Variants in AGAP1 observed in about 807,000 individuals in gnomAD.
The protein encoded by AGAP1 is ArfGAP with GTPase domain, ankyrin repeat and PH domain 1.
AGAP1 carries 29 observed loss-of-function variants against 105.3 expected under a neutral mutation model. The observed-to-expected ratio is 0.28, with a 90% CI of 0.21 to 0.38. AGAP1 has a LOEUF of 0.38. Ranked by LOEUF, AGAP1 falls within the 10% of genes least tolerant of loss-of-function variation. AGAP1 has a pLI of 1.00. For synonymous variants in AGAP1, 509 were observed against 485.9 expected (o/e 1.05, Z -0.63); for missense variants, 998 against 1,165.1 (o/e 0.86, Z 2.09).
Position 235,570,641 on chromosome 2 carries a change from C to T in AGAP1, c.163+75792C>T, listed in dbSNP as rs144787225. Among the ~76,000 whole-genome samples, 364 of 152,286 alleles carry T rather than the reference C, an allele frequency of 2.4e-3. 2 individuals are homozygous for T. Among genetic ancestry groups the T allele is most frequent in the East Asian group, 0.021 (106 of 5,170 alleles). On this transcript the variant is annotated intron_variant, in intron 1 of 17. Coordinates refer to ENST00000304032, the MANE Select transcript of AGAP1 (RefSeq NM_001037131.3). ...TGGTTTCAGTGCTGCTCTTTGGCCT[C>T]GGCATTAGAGACTAGTTTTTTAAAA...
chr2:235,591,892 T>C (rs1008682906), intron 1 of AGAP1, among the ~76,000 whole-genome samples: 1 of 127,780 alleles, frequency 7.8e-6, no homozygotes. Context: ...TCTCTTGCCA[T>C]GTGACATGCC....
intron 1 of AGAP1, among the ~76,000 whole-genome samples, chr2:235,676,801 CAAT>C (rs1948762048): frequency 1.3e-5 from 2 of 151,974 alleles, no homozygotes; most frequent in Non-Finnish European, 2.9e-5. Context: ...AATGATGTCA[CAAT>C]GAGTGAAATA....
At chr2:235,653,223 T>C (rs2149326925) in intron 1 of AGAP1, among the ~76,000 whole-genome samples, 1 of 152,246 alleles carries the variant, frequency 6.6e-6, no homozygotes, top group East Asian at 1.9e-4. Flanking sequence ...CCCAGCACTT[T>C]GGGAGGCCAA....
In AGAP1 at chr2:236,035,740, C is replaced by T. The variant is rs533534293; in HGVS notation, c.1646-821C>T. ...GACAGGAATAATGAACAGAGGCCGA[C>T]GTGGATCTGTGGAGTGTCTCCTATG... is the stretch of plus-strand genomic sequence containing the variant. On this transcript the variant is annotated intron_variant, in intron 13 of 17. Transcript: ENST00000304032. This position sits in a 1 kb window ranked among gnomAD's most constrained non-coding sequence, Gnocchi z 4.2. 6.6e-5 allele frequency among the ~76,000 whole-genome samples: 10 copies of T among 152,268 alleles called. No homozygotes were observed. The highest frequency in any genetic ancestry group is 3.4e-3 in the Middle Eastern group (1 of 294).
chr2:235,668,677 T>A (rs539859227), intron 1 of AGAP1, among the ~76,000 whole-genome samples: 4 of 152,210 alleles, frequency 2.6e-5, no homozygotes, highest in Non-Finnish European at 4.4e-5. Flanking sequence ...TCCGATAACA[T>A]CCTAGACCAG....
rs1949793592 is a variant in AGAP1, at chr2:235,692,712, GC to G, written c.164-16466del. The stretch of plus-strand genomic sequence containing the variant: ...TGACGTGCACCCCGCCAGCCTCCCT[GC>G]TTATCCTTCCCTGCCGCCTCGTGTG... On this transcript the variant is annotated intron_variant, in intron 1 of 17. Transcript: ENST00000304032. This position sits in a 1 kb window ranked among gnomAD's most constrained non-coding sequence, Gnocchi z 5.8. Among the ~76,000 whole-genome samples, 1 of 152,176 alleles carries G rather than the reference GC, an allele frequency of 6.6e-6. No individual in the cohort carries two copies. The highest frequency in any genetic ancestry group is 1.5e-5 in the Non-Finnish European group (1 of 68,036).
chr2:235,738,873 C>T (rs920156513), intron 3 of AGAP1, among the ~76,000 whole-genome samples: 1 of 152,092 alleles, frequency 6.6e-6, no homozygotes, highest in African/African-American at 2.4e-5. Flanking sequence ...TGTTATTTTT[C>T]TTAAAACAGT....
chr2:235,531,732 C>T (rs6431382), intron 1 of AGAP1, among the ~76,000 whole-genome samples: 8,611 of 151,920 alleles, frequency 0.057, 752 homozygotes, highest in African/African-American at 0.19. Flanking sequence ...CTCAGCCTCC[C>T]AGAGTAGCTG....
intron 16 of AGAP1, among the ~76,000 whole-genome samples, chr2:236,066,909 G>A (rs1031342289): frequency 5.3e-5 from 8 of 152,102 alleles, no homozygotes; most frequent in African/African-American, 1.4e-4. Context: ...TGGTATATAC[G>A]TTTTTGTGCC....
At chr2:235,768,273 A>G (rs977742407) in intron 6 of AGAP1, among the ~76,000 whole-genome samples, 3 of 152,350 alleles carry the variant, frequency 2.0e-5, no homozygotes, top group African/African-American at 7.2e-5. Flanking sequence ...TTCAATTTCT[A>G]TATTTGTAAA....
chr2:235,720,463 C>T lies in AGAP1; in HGVS notation c.310+2819C>T, dbSNP rs1951324703. On this transcript the variant is annotated intron_variant, in intron 3 of 17. Coordinates refer to ENST00000304032, the MANE Select transcript of AGAP1 (RefSeq NM_001037131.3). The surrounding 1 kb of genome is among the most constrained non-coding windows in gnomAD (Gnocchi z 5.0). ...TACCCACACAAAGGTGAGGGCACTC[C>T]CACAGTGGTGGGAGTGGTTGGCGCC... is the stretch of plus-strand genomic sequence containing the variant. 2.0e-5 allele frequency among the ~76,000 whole-genome samples: 3 copies of T among 152,040 alleles called. No homozygotes were observed. The highest frequency in any genetic ancestry group is 4.4e-5 in the Non-Finnish European group (3 of 67,998).
Position 235,900,333 on chromosome 2 carries a change from A to G in AGAP1, c.1156-8405A>G, listed in dbSNP as rs1182395534. ...CTTCTTAGCCTGTTGACTTTGAGGT[A>G]GGAGGAGCCCAAAGTGGCCAGGTGA... On this transcript the variant is annotated intron_variant, in intron 10 of 17. Transcript: ENST00000304032. This position sits in a 1 kb window ranked among gnomAD's most constrained non-coding sequence, Gnocchi z 5.5. 6.6e-6 allele frequency among the ~76,000 whole-genome samples: 1 copy of G among 152,000 alleles called. No homozygotes were observed. The highest frequency in any genetic ancestry group is 1.5e-5 in the Non-Finnish European group (1 of 68,018).
Position 235,989,030 on chromosome 2 carries a change from CTT to C in AGAP1, c.1645+20410_1645+20411del, listed in dbSNP as rs1010715239. 6.6e-6 allele frequency among the ~76,000 whole-genome samples: 1 copy of C among 152,118 alleles called. No homozygotes were observed. Among genetic ancestry groups the C allele is most frequent in the Non-Finnish European group, 1.5e-5 (1 of 68,034 alleles). ...CTTCCCTTGGCCAATAATGTGGAGT[CTT>C]TTGGTTTTTCTGTTCTTCAGAGTTT... On this transcript the variant is annotated intron_variant, in intron 13 of 17. Transcript: ENST00000304032. The surrounding 1 kb of genome is among the most constrained non-coding windows in gnomAD (Gnocchi z 4.4).
At chr2:236,017,280 G>A (rs1231258883) in intron 13 of AGAP1, among the ~76,000 whole-genome samples, 23 of 141,038 alleles carry the variant, frequency 1.6e-4, no homozygotes, top group African/African-American at 4.9e-4. Context: ...ACGACAGAGC[G>A]AGACTCCATC....
rs373216833 is a variant in AGAP1, at chr2:235,734,526, GA to G, written c.311-6424del. On this transcript the variant is annotated intron_variant, in intron 3 of 17. Coordinates refer to ENST00000304032, the MANE Select transcript of AGAP1 (RefSeq NM_001037131.3). The surrounding 1 kb of genome is among the most constrained non-coding windows in gnomAD (Gnocchi z 5.3). ...TCATTTTCATCCTTAGCTCAGGCAT[GA>G]AAAAAAAAAAAAGAATAGTAAAAAT... Among the ~76,000 whole-genome samples, 2,812 of 128,404 alleles carry G rather than the reference GA, an allele frequency of 0.022. 84 individuals carry two copies. Among genetic ancestry groups the G allele is most frequent in the African/African-American group, 0.065 (2,328 of 35,864 alleles). The allele number at this position is 128,404 out of a possible 152,430, so 84.2% of individuals were successfully genotyped here.
At chr2:235,580,458 G>A (rs763594368) in intron 1 of AGAP1, among the ~76,000 whole-genome samples, 4 of 151,924 alleles carry the variant, frequency 2.6e-5, no homozygotes, top group African/African-American at 9.7e-5. Context: ...TGGAGGCAGT[G>A]GGGGAGGGAG....
Position 235,901,942 on chromosome 2 carries a change from T to C in AGAP1, c.1156-6796T>C, listed in dbSNP as rs532877502. On this transcript the variant is annotated intron_variant, in intron 10 of 17. Transcript: ENST00000304032. The surrounding 1 kb of genome is among the most constrained non-coding windows in gnomAD (Gnocchi z 4.3). ...CTTTTGTTCATATGGATTTTGTCTA[T>C]TGATATTCATCATGTTAGAAATTCA... Among the ~76,000 whole-genome samples, 9 of 152,264 alleles carry C rather than the reference T, an allele frequency of 5.9e-5. No homozygotes were observed. The South Asian group carries it at 1.7e-3, about 28-fold the overall frequency.
At chr2:235,510,076 G>T (rs545515325) in intron 1 of AGAP1, among the ~76,000 whole-genome samples, 1 of 152,192 alleles carries the variant, frequency 6.6e-6, no homozygotes, top group Middle Eastern at 3.2e-3. Flanking sequence ...GGACCCTCTA[G>T]TTGCAGGAAA....
intron 1 of AGAP1, among the ~76,000 whole-genome samples, chr2:235,626,074 T>C (rs1352794366): frequency 6.6e-6 from 1 of 151,830 alleles, no homozygotes; most frequent in Non-Finnish European, 1.5e-5. Flanking sequence ...TATAGGCCAG[T>C]GCGGTGGCTC....
Sources: gnomAD v4.1 joint callset for allele counts (sites outside exome capture counted in the v4.1 genomes callset) on GRCh38, gnomAD v4.1.1 for gene constraint, Gnocchi (gnomAD v3.1) non-coding constraint, MANE v1.5 for transcripts, NCBI Gene and HGNC (gene_info 2026-07-23, HGNC 2026-07-21) for gene names.